CDH3: variants seen among roughly 807,000 people sequenced by gnomAD.
CDH3 encodes cadherin-3.
CDH3 carries 54 observed loss-of-function variants against 82.0 expected under a neutral mutation model. That is an observed-to-expected ratio of 0.66 (90% CI 0.53 to 0.83). The LOEUF is 0.83. Among genes scored for constraint, CDH3 ranks in the 40% least tolerant of loss-of-function variants. CDH3 has a pLI of 0.00. For missense variants in CDH3, 1,054 were observed against 1,084.6 expected, an observed-to-expected ratio of 0.97 and a Z score of 0.40; for synonymous variants, 446 against 437.9, an observed-to-expected ratio of 1.02 and a Z score of -0.23.
chr16:68,655,690 CAACAAACA>C (rs993082818), intron 2 of CDH3, among the ~76,000 whole-genome samples: 1 of 151,776 alleles, frequency 6.6e-6, no homozygotes, highest in South Asian at 2.1e-4. Flanking sequence ...CTAACAACAA[CAACAAACA>C]AACAAACAAA....
chr16:68,721,732 T>G (rs72785165), intron 1 of CDH3, among the ~76,000 whole-genome samples: 1 of 152,046 alleles, frequency 6.6e-6, no homozygotes, highest in Admixed American at 6.6e-5. Flanking sequence ...TAAATGTCAC[T>G]TTGCTCCCCA....
In CDH3 at chr16:68,678,116, G is replaced by A. The variant is rs771880991; in HGVS notation, c.247-18G>A. On this transcript the variant is annotated intron_variant, in intron 3 of 15. Coordinates refer to ENST00000264012, the MANE Select transcript of CDH3 (RefSeq NM_001793.6). Reference sequence around the variant, plus strand: ...CAGCTATTTGCACATCTGGGTTAAGGAGTTTCTCTCCTTGCAGGAAAGAAG... The same window carrying A: ...CAGCTATTTGCACATCTGGGTTAAGAAGTTTCTCTCCTTGCAGGAAAGAAG... 6 of 1,612,420 alleles carry A rather than the reference G, an allele frequency of 3.7e-6. No individual in the cohort carries two copies. The South Asian group carries it at 5.5e-5, about 15-fold the overall frequency.
rs752033048 is a variant in CDH3 at position 68,681,056 on chromosome 16, T to G, written c.956T>G (p.Leu319Arg). 1 of 1,613,998 alleles carries G rather than the reference T, an allele frequency of 6.2e-7. No individual in the cohort carries two copies. The highest frequency in any genetic ancestry group is 2.2e-5 in the East Asian group (1 of 44,860). The change falls in exon 8 of 16, where the codon CTT becomes CGT. Residue 319 changes from leucine (L) to arginine (R), a missense_variant. Transcript: ENST00000264012. Reference protein sequence around the residue: ...TTTAVAVVEILDANDNAPMFD... With the variant: ...TTTAVAVVEIRDANDNAPMFD... ...ACGGCAGTGGCAGTAGTGGAGATCC[T>G]TGATGCCAATGACAATGCTCCCATG... is the stretch of plus-strand genomic sequence containing the variant.
rs113244962 is a variant in CDH3, at chr16:68,691,726, C to T, written c.1802C>T (p.Thr601Ile). 6.2e-7 allele frequency: 1 copy of T among 1,613,194 alleles called. No individual in the cohort carries two copies. The change falls in exon 13 of 16, where the codon ACA becomes ATA. Residue 601 changes from threonine to isoleucine, a missense_variant. By Grantham distance (89) the Thr-to-Ile change is moderately conservative. Transcript: ENST00000264012. ...WTAEVNEEGD[T>I]VVLSLKKFLK... The stretch of plus-strand genomic sequence containing the variant: ...AATGATCTGTTCACTCCAGGTGACA[C>T]AGTGGTCTTGTCCCTGAAGAAGTTC...
chr16:68,728,876 G>C (rs1962255289), downstream of CDH3, among the ~76,000 whole-genome samples: 1 of 152,156 alleles, frequency 6.6e-6, no homozygotes, highest in African/African-American at 2.4e-5. Flanking sequence ...GGAGCGCCCG[G>C]CAACACTTAT....
intron 1 of CDH3, 21 bp downstream of exon 1, chr16:68,645,445 G>A: frequency 6.2e-7 from 1 of 1,612,406 alleles, no homozygotes; most frequent in Non-Finnish European, 8.5e-7. Flanking sequence ...GCCTCGCCGT[G>A]GCCCCGACCG....
chr16:68,697,184 C>T (rs984800750), intron 15 of CDH3, among the ~76,000 whole-genome samples: 32 of 151,746 alleles, frequency 2.1e-4, no homozygotes, highest in Non-Finnish European at 4.3e-4. Flanking sequence ...ATTAGCTGGG[C>T]GTCCTGGTGG....
chr16:68,690,486 AC>A (rs1961533010), intron 12 of CDH3, among the ~76,000 whole-genome samples: 1 of 151,890 alleles, frequency 6.6e-6, no homozygotes, highest in Non-Finnish European at 1.5e-5. Context: ...AGTGGCGCAA[AC>A]CTGTAGTCCC....
chr16:68,678,691 C>T lies in CDH3; in HGVS notation c.546+35C>T, dbSNP rs76528263. On this transcript the variant is annotated intron_variant, in intron 5 of 15. Coordinates refer to ENST00000264012, the MANE Select transcript of CDH3 (RefSeq NM_001793.6). ...CTTTAGTGTCTACTGTAAATGTCCC[C>T]TCAGAAGTGGGATCCTAGGCCTGGT... 3.1e-6 allele frequency: 5 copies of T among 1,614,008 alleles called. No individual in the cohort carries two copies. In the African/African-American group the frequency reaches 6.7e-5, roughly 22 times the overall value.
chr16:68,682,406 T>C lies in CDH3; in HGVS notation c.1101T>C (p.Leu367=). The C allele has an allele frequency of 2.5e-6, 4 of 1,614,056 alleles. No individual in the cohort carries two copies. Among genetic ancestry groups the C allele is most frequent in the Non-Finnish European group, 3.4e-6 (4 of 1,180,008 alleles). ...CACCAGCGTGGCGTGCCACCTACCT[T>C]ATCATGGGCGGTGACGACGGGGACC... ...PNSPAWRATY[L]IMGGDDGDHF... The change falls in exon 9 of 16, where the codon CTT becomes CTC. Residue 367 remains leucine (L), a synonymous_variant. Coordinates refer to ENST00000264012, the MANE Select transcript of CDH3 (RefSeq NM_001793.6).
At chr16:68,678,029 G>A (rs546114788) in intron 3 of CDH3, 105 bp from the exon 4 acceptor site, 26 of 1,062,728 alleles carry the variant, frequency 2.4e-5, no homozygotes, top group South Asian at 1.8e-4. Flanking sequence ...GATTATAGGC[G>A]TGAGCTACCA....
intron 2 of CDH3, among the ~76,000 whole-genome samples, chr16:68,724,445 C>T (rs1394176847): frequency 6.6e-6 from 1 of 151,748 alleles, no homozygotes; most frequent in Non-Finnish European, 1.5e-5. Flanking sequence ...ATAGTGAGCA[C>T]CTGACTGTAC....
intron 2 of CDH3, among the ~76,000 whole-genome samples, chr16:68,659,293 G>C (rs1372015720): frequency 6.6e-6 from 1 of 152,156 alleles, no homozygotes; most frequent in Non-Finnish European, 1.5e-5. Flanking sequence ...GAAGGCTGGG[G>C]TATGGTGGCT....
In CDH3 at chr16:68,726,609, C is replaced by T. The variant is rs188648618; in HGVS notation, c.*46-544C>T. Among the ~76,000 whole-genome samples the T allele has an allele frequency of 6.3e-3, 913 of 144,440 alleles. 18 individuals are homozygous for T. Among genetic ancestry groups the T allele is most frequent in the East Asian group, 0.049 (243 of 4,922 alleles). 94.8% of individuals were successfully genotyped at this position (144,440 alleles called of 152,430 possible). ...TTTTTTTTTTTTTGAGACAGAGTCT[C>T]GCTCTGTCACCCAGGCTGGAGTGCA... On this transcript the variant is annotated intron_variant, in intron 2 of 2. Transcript: ENST00000569080.
chr16:68,653,940 A>G (rs1960326312), intron 2 of CDH3, among the ~76,000 whole-genome samples: 1 of 150,924 alleles, frequency 6.6e-6, no homozygotes, highest in African/African-American at 2.4e-5. Flanking sequence ...GATGGTCTCG[A>G]TCTCCTGACC....
At chr16:68,714,369 CCTT>C (rs1268914728) in intron 1 of CDH3, among the ~76,000 whole-genome samples, 5 of 152,214 alleles carry the variant, frequency 3.3e-5, no homozygotes, top group African/African-American at 9.6e-5. Flanking sequence ...GGACTGAAAA[CCTT>C]CTGTGAATTC....
intron 7 of CDH3, 108 bp downstream of exon 7, chr16:68,680,082 G>C (rs1961172489): frequency 1.8e-6 from 2 of 1,091,822 alleles, no homozygotes; most frequent in Middle Eastern, 2.7e-4. Context: ...AGGCAGAACA[G>C]TGAGGACCCA....
chr16:68,664,962 G>GCCT (rs1298987700), intron 2 of CDH3, among the ~76,000 whole-genome samples: 5 of 151,956 alleles, frequency 3.3e-5, no homozygotes, highest in African/African-American at 1.2e-4. Context: ...ATGGCATTTG[G>GCCT]GATTTAATTT....
At chr16:68,712,187 T>C (rs578226748) in intron 1 of CDH3, among the ~76,000 whole-genome samples, 1 of 151,906 alleles carries the variant, frequency 6.6e-6, no homozygotes, top group Admixed American at 6.6e-5. Flanking sequence ...CAGGTGCATG[T>C]GACTATGCCT....
Sources: allele counts gnomAD v4.1 joint callset (sites outside exome capture counted in the v4.1 genomes callset), GRCh38; gene constraint gnomAD v4.1.1; transcripts MANE v1.5; gene names NCBI Gene and HGNC (gene_info 2026-07-23, HGNC 2026-07-21).